The following ADCY7 variants were observed in gnomAD, a reference collection of about 807,000 sequenced individuals.
The protein encoded by ADCY7 is adenylate cyclase type 7.
ADCY7 carries 72 observed loss-of-function variants against 120.6 expected under a neutral mutation model. The ratio of observed to expected loss-of-function variants is 0.60; its 90% CI spans 0.49 to 0.73. ADCY7 has a LOEUF of 0.73. Ranked by LOEUF, ADCY7 falls within the 30% of genes least tolerant of loss-of-function variation. The pLI, the probability that ADCY7 is intolerant of heterozygous loss-of-function variation, is 0.00. For synonymous variants in ADCY7, 661 were observed against 628.0 expected, an observed-to-expected ratio of 1.05 and a Z score of -0.78; for missense variants, 1,227 against 1,486.0, an observed-to-expected ratio of 0.83 and a Z score of 2.87.
chr16:50,263,857 G>A (rs769060972), upstream of ADCY7, among the ~76,000 whole-genome samples: 2 of 152,064 alleles, frequency 1.3e-5, no homozygotes, highest in Non-Finnish European at 2.9e-5. Flanking sequence ...GTTTGAGCAT[G>A]TGTCTCATCA....
chr16:50,284,455 G>A (rs985404473), intron 1 of ADCY7, among the ~76,000 whole-genome samples: 3 of 152,232 alleles, frequency 2.0e-5, no homozygotes, highest in African/African-American at 7.2e-5. Flanking sequence ...GGCTTTGTGT[G>A]CCTGGAGCGG....
chr16:50,257,317 G>A (rs538160338), intron 1 of ADCY7, among the ~76,000 whole-genome samples: 41 of 152,114 alleles, frequency 2.7e-4, no homozygotes, highest in South Asian at 6.2e-4. Flanking sequence ...GGTAAGGGGG[G>A]CAGGGGTGGG....
intron 1 of ADCY7, among the ~76,000 whole-genome samples, chr16:50,251,130 C>T (rs2150777567): frequency 6.6e-6 from 1 of 151,980 alleles, no homozygotes; most frequent in African/African-American, 2.4e-5. Context: ...GTCCCAGCTA[C>T]TCCAGAGGCT....
At chr16:50,265,985 G>T (rs2033195777), upstream of ADCY7, among the ~76,000 whole-genome samples, 1 of 152,210 alleles carries the variant, frequency 6.6e-6, no homozygotes. Flanking sequence ...GCTCTCCAGG[G>T]ACTCTGATTT....
rs147366477 is a variant in ADCY7, at chr16:50,285,490, G to T, written c.-268-2422G>T. ...GGGACTTGGGGACCCTGGATATCCT[G>T]CTTTTTGCCTTTGGGGGCTGGGGGC... On this transcript the variant is annotated intron_variant, in intron 1 of 25. Transcript: ENST00000673801. Among the ~76,000 whole-genome samples, 323 of 152,352 alleles carry T rather than the reference G, an allele frequency of 2.1e-3. 1 individual carries two copies. Among genetic ancestry groups the T allele is most frequent in the African/African-American group, 7.5e-3 (310 of 41,582 alleles).
Position 50,290,460 on chromosome 16 carries a change from C to G in ADCY7, c.175C>G (p.Pro59Ala), listed in dbSNP as rs750256835. The change falls in exon 3 of 26, where the codon CCC becomes GCC. Residue 59 changes from proline (P) to alanine (A), a missense_variant. This residue lies in a region of ADCY7 where 382 missense variants were observed against 411.4 expected (regional missense o/e 0.93). Coordinates refer to ENST00000673801, the MANE Select transcript of ADCY7 (RefSeq NM_001114.5). ...CCTGTCTGTTTGCTCCACCCAGGAC[C>G]CCTCCAGACACCAGGCCATTCTGGG... Reference protein sequence around the residue: ...LIIIAFSQGDPSRHQAILGMA... With the variant: ...LIIIAFSQGDASRHQAILGMA... 2 of 1,614,160 alleles carry G rather than the reference C, an allele frequency of 1.2e-6. No individual in the cohort carries two copies. Among genetic ancestry groups the G allele is most frequent in the Non-Finnish European group, 1.7e-6 (2 of 1,180,030 alleles).
intron 10 of ADCY7, 99 bp downstream of exon 10, chr16:50,301,313 G>T: frequency 1.4e-6 from 2 of 1,438,536 alleles, no homozygotes; most frequent in Non-Finnish European, 1.8e-6. Context: ...CCATGTGGAG[G>T]GAGAGGTGGG....
intron 1 of ADCY7, among the ~76,000 whole-genome samples, chr16:50,271,640 G>A (rs925195111): frequency 3.3e-5 from 5 of 152,112 alleles, no homozygotes; most frequent in Admixed American, 6.5e-5. Context: ...ACTTGTCACC[G>A]TTATCCACTC....
At chr16:50,304,128 G>A (rs146397412) in intron 10 of ADCY7, among the ~76,000 whole-genome samples, 12 of 152,272 alleles carry the variant, frequency 7.9e-5, no homozygotes, top group Non-Finnish European at 1.3e-4. Flanking sequence ...CCAGGGCACC[G>A]AGCTGGGACC....
chr16:50,295,345 ATTTTTT>A (rs67137852), intron 7 of ADCY7, among the ~76,000 whole-genome samples: 27 of 82,744 alleles, frequency 3.3e-4, no homozygotes, highest in African/African-American at 8.5e-4. Flanking sequence ...CGCCTGGCTA[ATTTTTT>A]TTTTTTTTTT....
Position 50,297,903 on chromosome 16 carries a change from C to T in ADCY7, c.949-1001C>T, listed in dbSNP as rs903579934. 3.9e-5 allele frequency among the ~76,000 whole-genome samples: 6 copies of T among 152,126 alleles called. No individual in the cohort carries two copies. The highest frequency in any genetic ancestry group is 5.9e-5 in the Non-Finnish European group (4 of 68,008). ...GAGGGTGGGGAGGGGAGAGCAGAGG[C>T]AGATGGCGCTCCTTCTTCAGCTCCC... On this transcript the variant is annotated intron_variant, in intron 7 of 25. Transcript: ENST00000673801. This position sits in a 1 kb window ranked among gnomAD's most constrained non-coding sequence, Gnocchi z 4.4.
upstream of ADCY7, among the ~76,000 whole-genome samples, chr16:50,245,094 C>T (rs995592123): frequency 6.6e-6 from 1 of 152,220 alleles, no homozygotes; most frequent in Non-Finnish European, 1.5e-5. Context: ...CCCTCCCACA[C>T]CAAGATCTCT....
At chr16:50,269,033 C>A (rs1226670240) in intron 1 of ADCY7, among the ~76,000 whole-genome samples, 1 of 152,128 alleles carries the variant, frequency 6.6e-6, no homozygotes, top group Admixed American at 6.5e-5. Context: ...GGAATGAGAC[C>A]CTGTCTCAAA....
At chr16:50,311,116 G>A (rs1486833710) in intron 19 of ADCY7, among the ~76,000 whole-genome samples, 1 of 152,180 alleles carries the variant, frequency 6.6e-6, no homozygotes, top group African/African-American at 2.4e-5. Context: ...GTGGTGGGGA[G>A]GGAAGGAGGC....
intron 20 of ADCY7, 26 bp downstream of exon 20, chr16:50,311,812 C>CG (rs1555525905): frequency 9.7e-6 from 13 of 1,341,764 alleles, no homozygotes; most frequent in Admixed American, 1.8e-5. Flanking sequence ...CCCCCCCCCC[C>CG]CCCAAGCTCT....
At chr16:50,292,040 A>G in intron 4 of ADCY7, 143 bp downstream of exon 4, 1 of 976,812 alleles carries the variant, frequency 1.0e-6, no homozygotes. Context: ...GGCCCTCTCC[A>G]CGTCTGCTCG....
chr16:50,278,495 A>T (rs1450029457), intron 1 of ADCY7, among the ~76,000 whole-genome samples: 2 of 152,222 alleles, frequency 1.3e-5, no homozygotes, highest in Non-Finnish European at 2.9e-5. Flanking sequence ...ATGAATCACA[A>T]ATGTTCCCCT....
chr16:50,249,141 G>T (rs2032676933), intron 1 of ADCY7, among the ~76,000 whole-genome samples: 1 of 152,150 alleles, frequency 6.6e-6, no homozygotes, highest in Non-Finnish European at 1.5e-5. Flanking sequence ...GTGTGTCTTA[G>T]CAAGTACTCA....
intron 1 of ADCY7, among the ~76,000 whole-genome samples, chr16:50,284,126 C>T (rs777595862): frequency 1.6e-4 from 25 of 152,088 alleles, no homozygotes; most frequent in Non-Finnish European, 2.5e-4. Flanking sequence ...CTGGCTTTGG[C>T]GGGGTGGCTC....
Sources: allele counts gnomAD v4.1 joint callset (sites outside exome capture counted in the v4.1 genomes callset), GRCh38; gene constraint gnomAD v4.1.1; regional missense constraint gnomAD v4.1.1; non-coding constraint Gnocchi (gnomAD v3.1); transcripts MANE v1.5; gene names NCBI Gene and HGNC (gene_info 2026-07-23, HGNC 2026-07-21).